The following ABHD16A variants were observed in gnomAD, a reference collection of about 807,000 sequenced individuals.
The protein encoded by ABHD16A is abhydrolase domain containing 16A, phospholipase, also known as phosphatidylserine lipase ABHD16A.
A neutral mutation model predicts 89.8 loss-of-function variants in ABHD16A; 47 were observed. The ratio of observed to expected loss-of-function variants is 0.52; its 90% CI spans 0.41 to 0.67. The LOEUF (loss-of-function observed/expected upper bound fraction) is 0.67. Ranked by LOEUF, ABHD16A falls within the 30% of genes least tolerant of loss-of-function variation. ABHD16A has a pLI of 0.00. For synonymous variants in ABHD16A, 251 were observed against 280.4 expected (o/e 0.90, Z 1.05); for missense variants, 580 against 734.6 (o/e 0.79, Z 2.43).
rs758917522 is a variant in ABHD16A at position 31,696,970 on chromosome 6, C to T, written c.407G>A (p.Arg136Gln). Residue 136 changes from arginine to glutamine, a missense_variant, in exon 5 of 20, where the codon CGG (arginine) becomes CAG (glutamine). Physicochemically the swap from Arg to Gln is conservative, Grantham distance 43 (BLOSUM62 1). Around this residue, in one of 2 missense-constraint regions of ABHD16A, gnomAD observed 415 missense variants for 568.8 expected, o/e 0.73. Transcript: ENST00000395952. ...QFITILEATH[R>Q]NQSSENKRQL... ...CACCTTGTTTTCTGAAGACTGGTTC[C>T]GATGTGTTGCTTCCAAGATGGTGAT... 7.4e-6 allele frequency: 12 copies of T among 1,612,884 alleles called. No individual in the cohort carries two copies. In the South Asian group the frequency reaches 7.7e-5, roughly 10 times the overall value.
rs779752495 is a variant in ABHD16A, at chr6:31,687,320, G to A, written c.1594-25C>T. 1.2e-6 allele frequency: 2 copies of A among 1,611,244 alleles called. No homozygotes were observed. Among genetic ancestry groups the A allele is most frequent in the Non-Finnish European group, 1.7e-6 (2 of 1,178,564 alleles). Reference sequence around the variant, plus strand: ...CCTGAGGAAAGGAGGTGGGACAGGTGGGGTACAGAGCACTGTTGGGAGGGG... The same window carrying A: ...CCTGAGGAAAGGAGGTGGGACAGGTAGGGTACAGAGCACTGTTGGGAGGGG... On this transcript the variant is annotated intron_variant, in intron 19 of 19. Transcript: ENST00000395952. The surrounding 1 kb of genome is among the most constrained non-coding windows in gnomAD (Gnocchi z 6.3).
rs1805218918 is a variant in ABHD16A at position 31,703,324 on chromosome 6, T to A, written c.-43A>T. On this transcript the variant is annotated 5_prime_UTR_variant, in exon 1 of 20. Transcript: ENST00000395952. ...CTGCTCTTCCAGCAGCAGGTCCCCC[T>A]GCCGGCCCCGCCCTCCCTGCCTCTG... The A allele has an allele frequency of 7.5e-7, 1 of 1,332,640 alleles. No individual in the cohort carries two copies. Among genetic ancestry groups the A allele is most frequent in the Non-Finnish European group, 9.7e-7 (1 of 1,030,690 alleles). The allele number at this position is 1,332,640 out of a possible 1,614,324, so 82.6% of individuals were successfully genotyped here.
rs539494712 is a variant in ABHD16A, at chr6:31,703,293, G to C, written c.-12C>G. On this transcript the variant is annotated 5_prime_UTR_variant, in exon 1 of 20. Coordinates refer to ENST00000395952, the MANE Select transcript of ABHD16A (RefSeq NM_021160.3). ...AGCAGCTTCGCCATGGCCCCGGCTC[G>C]GGCCGCTGCTCTTCCAGCAGCAGGT... 7.4e-7 allele frequency: 1 copy of C among 1,342,988 alleles called. No individual in the cohort carries two copies. Among genetic ancestry groups the C allele is most frequent in the South Asian group, 2.2e-5 (1 of 44,466 alleles). The allele number at this position is 1,342,988 out of a possible 1,614,324, so 83.2% of individuals were successfully genotyped here.
rs1803561833 is a variant in ABHD16A, at chr6:31,688,833, C to T, written c.1187-47G>A. On this transcript the variant is annotated intron_variant, in intron 13 of 19. Coordinates refer to ENST00000395952, the MANE Select transcript of ABHD16A (RefSeq NM_021160.3). This position sits in a 1 kb window ranked among gnomAD's most constrained non-coding sequence, Gnocchi z 4.9. ...GGGATGGCAGAGACAAAGCCCTTGC[C>T]CAACATAAAGGTCCTCACTATTCAC... is the stretch of plus-strand genomic sequence containing the variant. The T allele has an allele frequency of 6.3e-7, 1 of 1,589,364 alleles. No homozygotes were observed. Among genetic ancestry groups the T allele is most frequent in the South Asian group, 1.1e-5 (1 of 89,700 alleles).
At position 31,687,607 on chromosome 6, in the gene ABHD16A, T is replaced by G; in HGVS notation, c.1546+35A>C. 6.2e-7 allele frequency: 1 copy of G among 1,612,916 alleles called. No homozygotes were observed. Among genetic ancestry groups the G allele is most frequent in the Non-Finnish European group, 8.5e-7 (1 of 1,179,948 alleles). The stretch of plus-strand genomic sequence containing the variant: ...GGGTATTCATCCCCTTCCTAGGCCC[T>G]TCCCACCCTCTCTCCTGCCCCAGGA... On this transcript the variant is annotated intron_variant, in intron 18 of 19. Coordinates refer to ENST00000395952, the MANE Select transcript of ABHD16A (RefSeq NM_021160.3). This position sits in a 1 kb window ranked among gnomAD's most constrained non-coding sequence, Gnocchi z 6.3.
Position 31,702,822 on chromosome 6 carries a change from T to A in ABHD16A, c.132+328A>T. The A allele has an allele frequency of 1.4e-6, 2 of 1,402,688 alleles. 1 individual carries two copies. Among genetic ancestry groups the A allele is most frequent in the South Asian group, 3.2e-5 (2 of 61,834 alleles). 86.9% of individuals were successfully genotyped at this position (1,402,688 alleles called of 1,614,324 possible). On this transcript the variant is annotated intron_variant, in intron 1 of 19. Coordinates refer to ENST00000395952, the MANE Select transcript of ABHD16A (RefSeq NM_021160.3). ...GAGTCTGACAGCAAAATTCAACGGCTCCCCAGTCCGCGCAGGGTCTCTTCC... is the reference window on the plus strand; with the variant it reads ...GAGTCTGACAGCAAAATTCAACGGCACCCCAGTCCGCGCAGGGTCTCTTCC...
Position 31,690,716 on chromosome 6 carries a change from TTC to T in ABHD16A, c.844-116_844-115del. ...TTGCAGGGAAGAGGAAAGGGCAGGTTTCTGTTTTCTCCAAGGGGAATGGAAGC... is the reference window on the plus strand; with the variant it reads ...TTGCAGGGAAGAGGAAAGGGCAGGTTTGTTTTCTCCAAGGGGAATGGAAGC... On this transcript the variant is annotated intron_variant, in intron 9 of 19. Transcript: ENST00000395952. The surrounding 1 kb of genome is among the most constrained non-coding windows in gnomAD (Gnocchi z 4.1). 4 of 905,740 alleles carry T rather than the reference TTC, an allele frequency of 4.4e-6. No individual in the cohort carries two copies. The highest frequency in any genetic ancestry group is 7.2e-6 in the Non-Finnish European group (4 of 558,410). The allele number at this position is 905,740 out of a possible 1,614,324, so 56.1% of individuals were successfully genotyped here.
At chr6:31,692,460 A>G (rs1404591506) in intron 7 of ABHD16A, among the ~76,000 whole-genome samples, 3 of 152,184 alleles carry the variant, frequency 2.0e-5, no homozygotes, top group Admixed American at 6.5e-5. Context: ...ACTATAAGAT[A>G]TAGGTGGTTA....
At chr6:31,700,226 A>G (rs1018271572) in intron 4 of ABHD16A, among the ~76,000 whole-genome samples, 1 of 151,834 alleles carries the variant, frequency 6.6e-6, no homozygotes, top group African/African-American at 2.4e-5. Flanking sequence ...CCCAGGTTCA[A>G]GCTATTCTCC....
intron 1 of ABHD16A, chr6:31,702,531 G>C (rs776766424): frequency 3.3e-5 from 41 of 1,234,966 alleles, no homozygotes; most frequent in Non-Finnish European, 4.3e-5. Context: ...AGAGAATGTG[G>C]GTAGGAGCGG....
chr6:31,688,791 A>G lies in ABHD16A; in HGVS notation c.1187-5T>C. On this transcript the variant is annotated splice_polypyrimidine_tract_variant and splice_region_variant and intron_variant, in intron 13 of 19. Transcript: ENST00000395952. This position sits in a 1 kb window ranked among gnomAD's most constrained non-coding sequence, Gnocchi z 4.9. ...CGGTCCTGGTCACCAGGCCCCCTAG[A>G]GTGGGATAAAGGTGAAGGGATGGCA... The G allele has an allele frequency of 5.6e-6, 9 of 1,612,680 alleles. No individual in the cohort carries two copies. Among genetic ancestry groups the G allele is most frequent in the Non-Finnish European group, 5.9e-6 (7 of 1,179,816 alleles).
In ABHD16A at chr6:31,693,479, G is replaced by C. The variant is rs772920961; in HGVS notation, c.430-47C>G. 3.2e-6 allele frequency: 5 copies of C among 1,582,362 alleles called. 1 individual carries two copies. The South Asian group carries it at 5.6e-5, about 18-fold the overall frequency. ...AAGGGGTACTGAGAACTCAGGGGAGGCTCTCCTACCCACCCTCAACAACAC... is the reference window on the plus strand; with the variant it reads ...AAGGGGTACTGAGAACTCAGGGGAGCCTCTCCTACCCACCCTCAACAACAC... On this transcript the variant is annotated intron_variant, in intron 5 of 19. Transcript: ENST00000395952. This position sits in a 1 kb window ranked among gnomAD's most constrained non-coding sequence, Gnocchi z 5.0.
Position 31,688,176 on chromosome 6 carries a change from T to C in ABHD16A, c.1307+73A>G. The C allele has an allele frequency of 6.2e-7, 1 of 1,605,302 alleles. No individual in the cohort carries two copies. Among genetic ancestry groups the C allele is most frequent in the Non-Finnish European group, 8.5e-7 (1 of 1,173,294 alleles). ...AGGGTCTAGATACCCAGGTTTCTGG[T>C]GGGCAGAGGTAGAAGGGACAAGTTC... On this transcript the variant is annotated intron_variant, in intron 15 of 19. Coordinates refer to ENST00000395952, the MANE Select transcript of ABHD16A (RefSeq NM_021160.3). This position sits in a 1 kb window ranked among gnomAD's most constrained non-coding sequence, Gnocchi z 4.9.
chr6:31,691,053 C>G (rs1277287381), intron 9 of ABHD16A, among the ~76,000 whole-genome samples: 2 of 152,148 alleles, frequency 1.3e-5, no homozygotes, highest in Non-Finnish European at 2.9e-5. Flanking sequence ...TTTGCATGAA[C>G]TCTCATAACA....
rs903853120 is a variant in ABHD16A at position 31,702,146 on chromosome 6, G to A, written c.133-16C>T. On this transcript the variant is annotated splice_polypyrimidine_tract_variant and intron_variant, in intron 1 of 19. Coordinates refer to ENST00000395952, the MANE Select transcript of ABHD16A (RefSeq NM_021160.3). The stretch of plus-strand genomic sequence containing the variant: ...AGTACGTATCCTGCCAAAACAGATG[G>A]CCTCCTTAAGGACCCTGCCCACTGG... 23 of 1,612,798 alleles carry A rather than the reference G, an allele frequency of 1.4e-5. No individual in the cohort carries two copies. Among genetic ancestry groups the A allele is most frequent in the East Asian group, 6.7e-5 (3 of 44,892 alleles).
chr6:31,688,826 C>T lies in ABHD16A; in HGVS notation c.1187-40G>A, dbSNP rs1021756077. ...AGGTGAAGGGATGGCAGAGACAAAG[C>T]CCTTGCCCAACATAAAGGTCCTCAC... On this transcript the variant is annotated intron_variant, in intron 13 of 19. Coordinates refer to ENST00000395952, the MANE Select transcript of ABHD16A (RefSeq NM_021160.3). This position sits in a 1 kb window ranked among gnomAD's most constrained non-coding sequence, Gnocchi z 4.9. 1.9e-6 allele frequency: 3 copies of T among 1,597,778 alleles called. No homozygotes were observed. In the African/African-American group the frequency reaches 4.0e-5, roughly 21 times the overall value.
At position 31,690,665 on chromosome 6, in the gene ABHD16A, G is replaced by A; in HGVS notation, c.844-63C>T. Reference sequence around the variant, plus strand: ...GTTGGGACTGAAAAACTCCCTTTGGGCAGGGAGGGCAGCCCATGAAGAGCT... The same window carrying A: ...GTTGGGACTGAAAAACTCCCTTTGGACAGGGAGGGCAGCCCATGAAGAGCT... On this transcript the variant is annotated intron_variant, in intron 9 of 19. Coordinates refer to ENST00000395952, the MANE Select transcript of ABHD16A (RefSeq NM_021160.3). This position sits in a 1 kb window ranked among gnomAD's most constrained non-coding sequence, Gnocchi z 4.1. 1 of 1,451,888 alleles carries A rather than the reference G, an allele frequency of 6.9e-7. No homozygotes were observed. The highest frequency in any genetic ancestry group is 9.7e-7 in the Non-Finnish European group (1 of 1,034,316). 89.9% of individuals were successfully genotyped at this position (1,451,888 alleles called of 1,614,324 possible). A position where few individuals can be genotyped will look rare whatever the true frequency, so the allele number is the denominator to read the frequency against.
chr6:31,703,043 G>C, intron 1 of ABHD16A, 107 bp downstream of exon 1: 2 of 1,368,130 alleles, frequency 1.5e-6, no homozygotes, highest in Non-Finnish European at 1.9e-6. Flanking sequence ...TAACTGGCTT[G>C]ACAAGCAGGC....
At position 31,696,928 on chromosome 6, in the gene ABHD16A, C is replaced by T. The variant is rs1487953609; in HGVS notation, c.429+20G>A. On this transcript the variant is annotated intron_variant, in intron 5 of 19. Coordinates refer to ENST00000395952, the MANE Select transcript of ABHD16A (RefSeq NM_021160.3). The stretch of plus-strand genomic sequence containing the variant: ...GCTGCTATTGGGTGCCTGTGTGGCA[C>T]TTTTCCTAGGGCCTCTCACCTTGTT... 2.5e-6 allele frequency: 4 copies of T among 1,608,750 alleles called. No homozygotes were observed. The Admixed American group carries it at 6.7e-5, about 27-fold the overall frequency.
Sources: gnomAD v4.1 joint callset for allele counts (sites outside exome capture counted in the v4.1 genomes callset) on GRCh38, gnomAD v4.1.1 for gene constraint, gnomAD v4.1.1 regional missense constraint, Gnocchi (gnomAD v3.1) non-coding constraint, MANE v1.5 for transcripts, NCBI Gene and HGNC (gene_info 2026-07-23, HGNC 2026-07-21) for gene names.